Variants in TET3 observed in about 807,000 individuals in gnomAD.
TET3 encodes tet methylcytosine dioxygenase 3, also known as methylcytosine dioxygenase TET3.
A neutral mutation model predicts 141.4 loss-of-function variants in TET3; 19 were observed. The ratio of observed to expected loss-of-function variants is 0.13; its 90% CI spans 0.09 to 0.20. TET3 has a LOEUF of 0.20. Among genes scored for constraint, TET3 ranks in the 10% least tolerant of loss-of-function variants. TET3 has a pLI of 1.00. For missense variants in TET3, 1,874 were observed against 2,356.9 expected (o/e 0.80, Z 4.24); for synonymous variants, 1,043 against 980.9 (o/e 1.06, Z -1.18).
At chr2:74,128,992 T>TAAAAAAAAAA in the TET3 span, among the ~76,000 whole-genome samples, 1 of 77,924 alleles carries the variant, frequency 1.3e-5, no homozygotes, top group African/African-American at 5.9e-5. Flanking sequence ...TGTCTCAATT[T>TAAAAAAAAAA]AAAAAAAAAA....
chr2:74,073,756 G>A, intron 5 of TET3, 117 bp downstream of exon 5: 1 of 802,210 alleles, frequency 1.2e-6, no homozygotes, highest in Non-Finnish European at 1.9e-6. Flanking sequence ...AGGAAACCCT[G>A]ATAACGGGCT....
the TET3 span, among the ~76,000 whole-genome samples, chr2:74,124,375 A>C: frequency 6.8e-6 from 1 of 146,156 alleles, no homozygotes; most frequent in East Asian, 2.1e-4. Flanking sequence ...CTGCCCGGCC[A>C]CTGCCCCGTC....
chr2:74,080,275 G>A (rs913054514), intron 5 of TET3, among the ~76,000 whole-genome samples: 4 of 152,210 alleles, frequency 2.6e-5, no homozygotes, highest in African/African-American at 9.7e-5. Context: ...CCCGATGGGC[G>A]GGAGCAGAGA....
the TET3 span, among the ~76,000 whole-genome samples, chr2:74,127,886 A>T: frequency 6.6e-6 from 1 of 152,348 alleles, no homozygotes; most frequent in East Asian, 1.9e-4. Context: ...TTCTAGTCTC[A>T]GTTCTTCTAG....
the TET3 span, among the ~76,000 whole-genome samples, chr2:74,131,085 C>T: frequency 6.6e-6 from 1 of 152,094 alleles, no homozygotes; most frequent in Admixed American, 6.5e-5. Context: ...GTCTCGGTGC[C>T]TCCGCTCTCC....
At position 74,100,454 on chromosome 2, in the gene TET3, G is replaced by A. The variant is rs143683162; in HGVS notation, c.3666G>A (p.Pro1222=). 85 of 1,584,224 alleles carry A rather than the reference G, an allele frequency of 5.4e-5. No homozygotes were observed. The highest frequency in any genetic ancestry group is 2.9e-4 in the Admixed American group (16 of 55,424). Residue 1222 remains proline (P), a synonymous_variant, in exon 12 of 12, where the codon CCG becomes CCA. Transcript: ENST00000409262. ...TGAAGCCCTCCCTCAAGGTGGAGCC[G>A]CAGAACCACTTCAGCTCCTTCAAGT... ...QGLKPSLKVE[P]QNHFSSFKYS... is the part of the protein sequence containing the mutation.
At chr2:74,017,216 G>C (rs1178397678) in intron 3 of TET3, among the ~76,000 whole-genome samples, 1 of 152,102 alleles carries the variant, frequency 6.6e-6, no homozygotes, top group Non-Finnish European at 1.5e-5. Context: ...TTGAGCTTAG[G>C]AGTTTGAGGC....
At chr2:74,038,226 A>C (rs1336813775) in intron 3 of TET3, among the ~76,000 whole-genome samples, 1 of 152,170 alleles carries the variant, frequency 6.6e-6, no homozygotes, top group African/African-American at 2.4e-5. Context: ...CTGTATGCAC[A>C]TATGAACTCT....
chr2:74,077,129 A>T (rs1472421773), intron 5 of TET3, among the ~76,000 whole-genome samples: 1 of 152,196 alleles, frequency 6.6e-6, no homozygotes, highest in African/African-American at 2.4e-5. Flanking sequence ...AAGAACCAAC[A>T]CTGCACTAGC....
rs1354817892 is a variant in TET3 at position 74,047,869 on chromosome 2, C to T, written c.1952C>T (p.Ser651Leu). 6.2e-7 allele frequency: 1 copy of T among 1,612,894 alleles called. No homozygotes were observed. The highest frequency in any genetic ancestry group is 8.5e-7 in the Non-Finnish European group (1 of 1,179,460). ...CATCCACCGGCCCCTCTGCCTGCCT[C>T]ACAGGGCTCTGCTGTGCCCCTGCCC... ...QAHPPAPLPA[S>L]QGSAVPLPPE... Residue 651 changes from serine to leucine, a missense_variant, in exon 4 of 12, where the codon TCA becomes TTA. Ser to Leu is a moderately radical substitution (Grantham distance 145, BLOSUM62 -2). This residue lies in a region of TET3 where 484 missense variants were observed against 462.2 expected (regional missense o/e 1.05). Transcript: ENST00000409262.
At chr2:74,092,385 G>C (rs1040004484) in intron 8 of TET3, among the ~76,000 whole-genome samples, 2 of 152,176 alleles carry the variant, frequency 1.3e-5, no homozygotes, top group African/African-American at 4.8e-5. Context: ...GAGTCTAGCA[G>C]CTGGAGCTTT....
At chr2:73,990,590 T>C (rs1329154135) in intron 2 of TET3, among the ~76,000 whole-genome samples, 1 of 152,026 alleles carries the variant, frequency 6.6e-6, no homozygotes, top group Non-Finnish European at 1.5e-5. Flanking sequence ...AAAAAATGCA[T>C]AGAAAAATGT....
chr2:74,098,485 G>A (rs1281365870), intron 10 of TET3, among the ~76,000 whole-genome samples: 4 of 151,916 alleles, frequency 2.6e-5, no homozygotes, highest in East Asian at 1.9e-4. Flanking sequence ...TTAGGTGACC[G>A]TGATATTTAA....
intron 3 of TET3, among the ~76,000 whole-genome samples, chr2:74,017,160 A>G (rs1279508541): frequency 6.6e-6 from 1 of 152,154 alleles, no homozygotes; most frequent in Non-Finnish European, 1.5e-5. Flanking sequence ...ACGACATTGT[A>G]TGCCTGTAGT....
chr2:73,994,632 TTCTTTC>T (rs1383880040), intron 2 of TET3, among the ~76,000 whole-genome samples: 1,815 of 116,094 alleles, frequency 0.016, 57 homozygotes, highest in African/African-American at 0.073. Context: ...CTTTCTTTCT[TTCTTTC>T]TTTTTTTTTT....
At chr2:74,128,780 T>A in the TET3 span, among the ~76,000 whole-genome samples, 1 of 150,794 alleles carries the variant, frequency 6.6e-6, no homozygotes, top group South Asian at 2.1e-4. Context: ...GGGCAGAAAT[T>A]TGACCAGCCT....
At chr2:74,031,984 A>G (rs762733051) in intron 3 of TET3, among the ~76,000 whole-genome samples, 1 of 152,216 alleles carries the variant, frequency 6.6e-6, no homozygotes, top group Non-Finnish European at 1.5e-5. Flanking sequence ...GCTTTGGAGT[A>G]TGTTAGTTAT....
chr2:74,079,565 C>T (rs765113239), intron 5 of TET3, among the ~76,000 whole-genome samples: 6 of 152,156 alleles, frequency 3.9e-5, no homozygotes, highest in Admixed American at 6.5e-5. Context: ...TTTCCTCATG[C>T]CAGGAACTTC....
rs751201421 is a variant in TET3, at chr2:74,046,466, G to A, written c.549G>A (p.Glu183=). ...PWRVDQKPDW[E]AAPGPAHTAR... ...GGGTAGACCAAAAGCCCGACTGGGAGGCTGCCCCAGGCCCAGCTCATACTG... is the reference window on the plus strand; with the variant it reads ...GGGTAGACCAAAAGCCCGACTGGGAAGCTGCCCCAGGCCCAGCTCATACTG... Residue 183 remains glutamate (E), a synonymous_variant, in exon 4 of 12, where the codon GAG becomes GAA. Coordinates refer to ENST00000409262, the MANE Select transcript of TET3 (RefSeq NM_001287491.2). The surrounding 1 kb of genome is among the most constrained non-coding windows in gnomAD (Gnocchi z 4.3). 9 of 1,611,826 alleles carry A rather than the reference G, an allele frequency of 5.6e-6. No homozygotes were observed. The highest frequency in any genetic ancestry group is 1.7e-5 in the Admixed American group (1 of 59,828).
Sources: allele counts gnomAD v4.1 joint callset (sites outside exome capture counted in the v4.1 genomes callset), GRCh38; gene constraint gnomAD v4.1.1; regional missense constraint gnomAD v4.1.1; non-coding constraint Gnocchi (gnomAD v3.1); transcripts MANE v1.5; gene names NCBI Gene and HGNC (gene_info 2026-07-23, HGNC 2026-07-21).